The following SHC4 variants were observed in gnomAD, a reference collection of about 807,000 sequenced individuals.
The protein encoded by SHC4 is SHC-transforming protein 4.
Under a neutral mutation model 69.4 loss-of-function variants are expected in SHC4, and 41 were observed. The observed-to-expected ratio is 0.59, with a 90% CI of 0.46 to 0.77. The LOEUF (loss-of-function observed/expected upper bound fraction) is 0.77. Among genes scored for constraint, SHC4 ranks in the 30% least tolerant of loss-of-function variants. SHC4 has a pLI of 0.00. For synonymous variants in SHC4, 318 were observed against 299.3 expected (o/e 1.06, Z -0.64); for missense variants, 777 against 783.8 (o/e 0.99, Z 0.10).
At chr15:48,933,606 G>T (rs1045938406) in intron 1 of SHC4, among the ~76,000 whole-genome samples, 2 of 152,116 alleles carry the variant, frequency 1.3e-5, no homozygotes, top group African/African-American at 4.8e-5. Flanking sequence ...TCAAATTCAT[G>T]TGTAATTTCC....
At chr15:48,954,317 T>C (rs1057450621) in intron 1 of SHC4, among the ~76,000 whole-genome samples, 10 of 152,242 alleles carry the variant, frequency 6.6e-5, no homozygotes, top group Non-Finnish European at 1.3e-4. Context: ...TTGCTCTGAC[T>C]GGACTCAGCA....
chr15:48,915,655 T>A (rs1331779045), intron 2 of SHC4, among the ~76,000 whole-genome samples: 3 of 152,244 alleles, frequency 2.0e-5, no homozygotes, highest in Non-Finnish European at 4.4e-5. Context: ...CAGCTGATAA[T>A]GGCCATGAAC....
intron 11 of SHC4, among the ~76,000 whole-genome samples, chr15:48,829,616 C>G (rs1898757242): frequency 6.6e-6 from 1 of 152,140 alleles, no homozygotes; most frequent in Non-Finnish European, 1.5e-5. Context: ...CTACGTGTGT[C>G]CTTAAATCTA....
chr15:48,836,472 G>C (rs898855533), intron 10 of SHC4, among the ~76,000 whole-genome samples: 4 of 151,956 alleles, frequency 2.6e-5, no homozygotes, highest in African/African-American at 9.7e-5. Flanking sequence ...CTGAAACCAG[G>C]TTCTTATGTC....
intron 2 of SHC4, among the ~76,000 whole-genome samples, chr15:48,902,485 G>A (rs1387189040): frequency 6.6e-6 from 1 of 152,130 alleles, no homozygotes; most frequent in Non-Finnish European, 1.5e-5. Flanking sequence ...AAAACAAAGT[G>A]TAACCCTTGT....
intron 1 of SHC4, among the ~76,000 whole-genome samples, chr15:48,930,402 T>C (rs1287102292): frequency 2.6e-5 from 4 of 152,248 alleles, no homozygotes. Flanking sequence ...TTTCTCAGAA[T>C]ATACCTGCAT....
chr15:48,842,802 G>C (rs1002285394), intron 10 of SHC4, among the ~76,000 whole-genome samples: 2 of 152,028 alleles, frequency 1.3e-5, no homozygotes, highest in African/African-American at 4.8e-5. Context: ...ATGTTGTTGC[G>C]TGCCTGTAGT....
chr15:48,868,925 C>A (rs1899613268), intron 5 of SHC4, among the ~76,000 whole-genome samples: 1 of 152,156 alleles, frequency 6.6e-6, no homozygotes, highest in African/African-American at 2.4e-5. Flanking sequence ...GAAGGAAAGC[C>A]ACAATTGCTG....
chr15:48,853,328 A>C (rs1899250694), intron 8 of SHC4, among the ~76,000 whole-genome samples: 1 of 152,248 alleles, frequency 6.6e-6, no homozygotes. Context: ...GCTGAAAGAA[A>C]TCACAGATGA....
At chr15:48,921,656 A>G (rs182194870) in intron 2 of SHC4, among the ~76,000 whole-genome samples, 46 of 152,332 alleles carry the variant, frequency 3.0e-4, no homozygotes, top group African/African-American at 1.1e-3. Flanking sequence ...TAATGAGTAC[A>G]GAGTTTAATG....
chr15:48,935,896 G>A (rs1901060559), intron 1 of SHC4, among the ~76,000 whole-genome samples: 1 of 152,010 alleles, frequency 6.6e-6, no homozygotes, highest in South Asian at 2.1e-4. Flanking sequence ...TATAATAATA[G>A]CATTATATAA....
In SHC4 at chr15:48,955,334, G is replaced by A. The variant is rs1048775400; in HGVS notation, c.585+7097C>T. Among the ~76,000 whole-genome samples, 38 of 152,266 alleles carry A rather than the reference G, an allele frequency of 2.5e-4. 1 individual carries two copies. The Middle Eastern group carries it at 0.017, about 68-fold the overall frequency. ...TAAGTGAGTGAAGCTGGGTAGGAGC[G>A]GGGTGTGGGGCAGCCTGTGTGCATC... On this transcript the variant is annotated intron_variant, in intron 1 of 11. Transcript: ENST00000332408.
At chr15:48,923,496 G>T (rs1900787067) in intron 2 of SHC4, among the ~76,000 whole-genome samples, 1 of 142,556 alleles carries the variant, frequency 7.0e-6, no homozygotes, top group African/African-American at 2.7e-5. Context: ...GTTGCAGTGA[G>T]CCAAGATTGC....
chr15:48,906,915 A>G (rs1339115283), intron 2 of SHC4, among the ~76,000 whole-genome samples: 2 of 152,220 alleles, frequency 1.3e-5, no homozygotes, highest in African/African-American at 4.8e-5. Context: ...CTCAGACTCA[A>G]TGACCTACAA....
intron 2 of SHC4, among the ~76,000 whole-genome samples, chr15:48,923,492 G>A (rs1484251553): frequency 7.0e-6 from 1 of 143,650 alleles, no homozygotes; most frequent in Admixed American, 7.2e-5. Flanking sequence ...GGAGGTTGCA[G>A]TGAGCCAAGA....
chr15:48,847,412 G>A (rs1421569030), intron 9 of SHC4, among the ~76,000 whole-genome samples: 1 of 152,138 alleles, frequency 6.6e-6, no homozygotes, highest in Non-Finnish European at 1.5e-5. Context: ...TTTCCATGAG[G>A]GAATTTTTCC....
intron 2 of SHC4, among the ~76,000 whole-genome samples, chr15:48,893,824 G>T (rs1900175517): frequency 6.6e-6 from 1 of 152,188 alleles, no homozygotes; most frequent in Admixed American, 6.5e-5. Flanking sequence ...AAATTTATCA[G>T]AGCACAGGTG....
chr15:48,898,945 T>C (rs980464152), intron 2 of SHC4, among the ~76,000 whole-genome samples: 5 of 152,126 alleles, frequency 3.3e-5, no homozygotes, highest in African/African-American at 4.8e-5. Context: ...AACAACTTTG[T>C]TTTTGACAAA....
chr15:48,924,028 C>T (rs888975442), intron 2 of SHC4, among the ~76,000 whole-genome samples: 17 of 152,100 alleles, frequency 1.1e-4, no homozygotes, highest in Admixed American at 3.3e-4. Flanking sequence ...CAGGATACTT[C>T]TTTTTCTAGG....
Sources: gnomAD v4.1 joint callset for allele counts (sites outside exome capture counted in the v4.1 genomes callset) on GRCh38, gnomAD v4.1.1 for gene constraint, MANE v1.5 for transcripts, NCBI Gene and HGNC (gene_info 2026-07-23, HGNC 2026-07-21) for gene names.